SLC25A48: variants seen among roughly 807,000 people sequenced by gnomAD.
SLC25A48 encodes the protein solute carrier family 25 member 48.
A neutral mutation model predicts 32.2 loss-of-function variants in SLC25A48; 29 were observed. The ratio of observed to expected loss-of-function variants is 0.90; its 90% confidence interval spans 0.67 to 1.23. The LOEUF (loss-of-function observed/expected upper bound fraction) is 1.23, where lower values mean the gene tolerates loss of function less well. SLC25A48 is among the 50% of genes most tolerant of loss of function. The pLI is 0.00. For missense variants in SLC25A48, 399 were observed against 422.7 expected (o/e 0.94, Z 0.49); for synonymous variants, 164 against 172.3 (o/e 0.95, Z 0.38).
chr5:135,829,474 G>T (rs1436967193), intron 4 of SLC25A48, among the ~76,000 whole-genome samples: 1 of 152,166 alleles, frequency 6.6e-6, no homozygotes, highest in Admixed American at 6.5e-5. Context: ...TATCGCCGCG[G>T]CCCAGAATTT....
intron 3 of SLC25A48, among the ~76,000 whole-genome samples, chr5:135,664,643 A>G (rs965551760): frequency 6.7e-6 from 1 of 148,654 alleles, no homozygotes. Context: ...TTGCATACCC[A>G]TAGCTTAGTT....
At chr5:135,625,727 C>A (rs1375107034) in intron 1 of SLC25A48, among the ~76,000 whole-genome samples, 1 of 152,064 alleles carries the variant, frequency 6.6e-6, no homozygotes, top group Non-Finnish European at 1.5e-5. Flanking sequence ...CCAGGTAGAA[C>A]AGGGGGAAGA....
At chr5:135,605,754 A>G (rs1751918373) in intron 1 of SLC25A48, among the ~76,000 whole-genome samples, 2 of 152,194 alleles carry the variant, frequency 1.3e-5, no homozygotes, top group Non-Finnish European at 2.9e-5. Context: ...ATATTTCTGC[A>G]CTGTCTTGGA....
Position 135,784,341 on chromosome 5 carries a change from C to T in SLC25A48, c.-520-28182C>T, listed in dbSNP as rs563384334. 9.8e-4 allele frequency among the ~76,000 whole-genome samples: 113 copies of T among 115,622 alleles called. 11 individuals are homozygous for T. The highest frequency in any genetic ancestry group is 2.8e-3 in the African/African-American group (106 of 37,982). The allele number at this position is 115,622 out of a possible 152,430, so 75.9% of individuals were successfully genotyped here. A position where few individuals can be genotyped will look rare whatever the true frequency, so the allele number is the denominator to read the frequency against. ...TACTCCCAATACCCCAGGAAGTTTC[C>T]ACCCCCCTGTGATATAGTTTTTAAT... On this transcript the variant is annotated intron_variant, in intron 3 of 10. Coordinates refer to the SLC25A48 transcript ENST00000646290.
chr5:135,816,513 T>C (rs1470890809), intron 4 of SLC25A48, among the ~76,000 whole-genome samples: 1 of 152,172 alleles, frequency 6.6e-6, no homozygotes, highest in African/African-American at 2.4e-5. Flanking sequence ...TCTCTAAACC[T>C]CATTTTCTTA....
At chr5:135,785,212 T>G (rs7380073) in intron 3 of SLC25A48, among the ~76,000 whole-genome samples, 2 of 151,926 alleles carry the variant, frequency 1.3e-5, no homozygotes, top group African/African-American at 4.8e-5. Flanking sequence ...CACTGTGTGT[T>G]CACCCCCCTT....
At chr5:135,778,987 T>C (rs1042828511) in intron 3 of SLC25A48, among the ~76,000 whole-genome samples, 1 of 151,620 alleles carries the variant, frequency 6.6e-6, no homozygotes, top group African/African-American at 2.4e-5. Context: ...TATCACATAA[T>C]ATACATCCCC....
chr5:135,769,464 A>T (rs1209327148), intron 3 of SLC25A48, among the ~76,000 whole-genome samples: 1 of 151,748 alleles, frequency 6.6e-6, no homozygotes, highest in East Asian at 1.9e-4. Context: ...CCCCACTGTG[A>T]TACAGTTTGT....
At chr5:135,607,042 G>T (rs1246560016) in intron 1 of SLC25A48, among the ~76,000 whole-genome samples, 1 of 152,128 alleles carries the variant, frequency 6.6e-6, no homozygotes, top group Non-Finnish European at 1.5e-5. Context: ...CAGGGGACTT[G>T]GCCTAGACCT....
rs370252479 is a variant in SLC25A48 at position 135,854,310 on chromosome 5, C to T, written c.421+1489C>T. 5.3e-5 allele frequency among the ~76,000 whole-genome samples: 8 copies of T among 152,340 alleles called. No homozygotes were observed. The East Asian group carries it at 1.2e-3, about 22-fold the overall frequency. On this transcript the variant is annotated intron_variant, in intron 4 of 7. Coordinates refer to ENST00000681962, the MANE Select transcript of SLC25A48 (RefSeq NM_001349336.2). ...TTGAAACTTCAAAGCCAGGCATTGA[C>T]GTCTCCTCTCTAGCTATGAAGTCCT...
intron 3 of SLC25A48, among the ~76,000 whole-genome samples, chr5:135,708,073 A>G (rs1471105540): frequency 6.6e-6 from 1 of 152,178 alleles, no homozygotes; most frequent in Non-Finnish European, 1.5e-5. Context: ...TGCTGGCTCT[A>G]TGGCACTGTG....
At chr5:135,832,376 A>G (rs1357818562), upstream of SLC25A48, among the ~76,000 whole-genome samples, 1 of 152,210 alleles carries the variant, frequency 6.6e-6, no homozygotes, top group African/African-American at 2.4e-5. Context: ...CGGCATGGGC[A>G]GCGCCTTCAC....
chr5:135,775,303 G>A (rs1462393414), intron 3 of SLC25A48, among the ~76,000 whole-genome samples: 1 of 151,590 alleles, frequency 6.6e-6, no homozygotes, highest in Non-Finnish European at 1.5e-5. Context: ...CTAACATACA[G>A]GGGGGAAGAA....
chr5:135,751,695 A>G (rs1222923016), intron 3 of SLC25A48, among the ~76,000 whole-genome samples: 4 of 152,004 alleles, frequency 2.6e-5, no homozygotes, highest in African/African-American at 9.7e-5. Context: ...TTAACTGGGC[A>G]TGGTGGTGCG....
intron 3 of SLC25A48, among the ~76,000 whole-genome samples, chr5:135,806,812 T>C (rs551596851): frequency 6.7e-6 from 1 of 150,266 alleles, no homozygotes; most frequent in African/African-American, 2.4e-5. Context: ...TATTTTATTA[T>C]TATTAGTAAT....
At chr5:135,783,912 A>G (rs1472670423) in intron 3 of SLC25A48, among the ~76,000 whole-genome samples, 6 of 118,406 alleles carry the variant, frequency 5.1e-5, no homozygotes, top group African/African-American at 1.5e-4. Context: ...ATTATTCCCA[A>G]TATTGCAAGG....
chr5:135,699,834 G>T (rs1754350421), intron 3 of SLC25A48, among the ~76,000 whole-genome samples: 1 of 152,114 alleles, frequency 6.6e-6, no homozygotes, highest in Admixed American at 6.5e-5. Context: ...TTATTATCTG[G>T]TTCTTTAATA....
chr5:135,729,354 ATT>A (rs201368113), intron 3 of SLC25A48, among the ~76,000 whole-genome samples: 1 of 146,194 alleles, frequency 6.8e-6, no homozygotes, highest in African/African-American at 2.5e-5. Flanking sequence ...TTGAGGAAAG[ATT>A]TTTTTTTTTT....
Position 135,800,109 on chromosome 5 carries a change from C to T in SLC25A48, c.-520-12414C>T, listed in dbSNP as rs78351603. ...TGTTTCTAATACCCAGGTGGAAAAACGATTATATTACTCCCAATATCCCAG... is the reference window on the plus strand; with the variant it reads ...TGTTTCTAATACCCAGGTGGAAAAATGATTATATTACTCCCAATATCCCAG... On this transcript the variant is annotated intron_variant, in intron 3 of 10. Transcript: ENST00000646290. Among the ~76,000 whole-genome samples the T allele has an allele frequency of 3.2e-3, 489 of 151,532 alleles. 5 individuals are homozygous for T. The highest frequency in any genetic ancestry group is 0.023 in the East Asian group (118 of 5,128).
Sources: gnomAD v4.1 joint callset for allele counts (sites outside exome capture counted in the v4.1 genomes callset) on GRCh38, gnomAD v4.1.1 for gene constraint, MANE v1.5 for transcripts, NCBI Gene and HGNC (gene_info 2026-07-23, HGNC 2026-07-21) for gene names.